JMJD1C: variants seen among roughly 807,000 people sequenced by gnomAD.
JMJD1C encodes the protein jumonji domain containing 1C.
Under a neutral mutation model 245.3 loss-of-function variants are expected in JMJD1C, and 31 were observed. The observed-to-expected ratio is 0.13, with a 90% CI of 0.09 to 0.17. The LOEUF (loss-of-function observed/expected upper bound fraction) is 0.17. Among genes scored for constraint, JMJD1C ranks in the 10% least tolerant of loss-of-function variants. The pLI is 1.00. For synonymous variants in JMJD1C, 1,057 were observed against 1,017.4 expected, an observed-to-expected ratio of 1.04 and a Z score of -0.74; for missense variants, 2,691 against 3,000.2, an observed-to-expected ratio of 0.90 and a Z score of 2.41.
chr10:63,503,841 G>C lies in JMJD1C; in HGVS notation n.113+17897C>G, dbSNP rs369437347. Among the ~76,000 whole-genome samples, 9 of 152,088 alleles carry C rather than the reference G, an allele frequency of 5.9e-5. No individual in the cohort carries two copies. The East Asian group carries it at 1.2e-3, about 20-fold the overall frequency. On this transcript the variant is annotated intron_variant and non_coding_transcript_variant, in intron 1 of 3. Coordinates refer to the JMJD1C transcript ENST00000633035. ...CCCCTTCAACTCCTAAAATCTCCTG[G>C]TGACTGCTTAGAGTATGATCATTGA...
chr10:63,498,064 CTG>C (rs1954417311), intron 1 of JMJD1C, among the ~76,000 whole-genome samples: 1 of 152,136 alleles, frequency 6.6e-6, no homozygotes, highest in African/African-American at 2.4e-5. Context: ...GATACGGTCT[CTG>C]TAATAAAAAT....
chr10:63,212,756 G>A (rs1847513392), intron 8 of JMJD1C, among the ~76,000 whole-genome samples: 1 of 151,822 alleles, frequency 6.6e-6, no homozygotes, highest in South Asian at 2.1e-4. Context: ...TATATCAAAA[G>A]CCTTACAATT....
In JMJD1C at chr10:63,168,347, G is replaced by C. The variant is rs1438427877; in HGVS notation, c.7533+88C>G. ...GTTGTCACCCTAATGTGACCAACTAGGCAATGACTGCCTAAGCTGTTATAC... is the reference window on the plus strand; with the variant it reads ...GTTGTCACCCTAATGTGACCAACTACGCAATGACTGCCTAAGCTGTTATAC... On this transcript the variant is annotated intron_variant, in intron 25 of 25. Coordinates refer to ENST00000399262, the MANE Select transcript of JMJD1C (RefSeq NM_032776.3). The C allele has an allele frequency of 5.9e-6, 8 of 1,346,348 alleles. No individual in the cohort carries two copies. In the Admixed American group the frequency reaches 1.6e-4, roughly 26 times the overall value. The allele number at this position is 1,346,348 out of a possible 1,614,324, so 83.4% of individuals were successfully genotyped here. A position where few individuals can be genotyped will look rare whatever the true frequency, so the allele number is the denominator to read the frequency against.
intron 2 of JMJD1C, among the ~76,000 whole-genome samples, chr10:63,340,440 T>C (rs1294868829): frequency 6.6e-6 from 1 of 152,204 alleles, no homozygotes; most frequent in Admixed American, 6.5e-5. Context: ...TTACTTATTC[T>C]CTGCTCTGTG....
At chr10:63,337,841 C>G (rs1362200542) in intron 2 of JMJD1C, among the ~76,000 whole-genome samples, 1 of 152,024 alleles carries the variant, frequency 6.6e-6, no homozygotes, top group African/African-American at 2.4e-5. Flanking sequence ...GTTGTTATTA[C>G]TATAGTAAGA....
At chr10:63,216,700 A>C (rs1848025606) in intron 5 of JMJD1C, among the ~76,000 whole-genome samples, 1 of 151,256 alleles carries the variant, frequency 6.6e-6, no homozygotes, top group Non-Finnish European at 1.5e-5. Context: ...ACAGAGCGAG[A>C]CTCCAGCTCA....
At chr10:63,468,267 GT>G (rs1953379881), upstream of JMJD1C, among the ~76,000 whole-genome samples, 1 of 152,096 alleles carries the variant, frequency 6.6e-6, no homozygotes, top group Admixed American at 6.5e-5. Context: ...AATGCCTAGA[GT>G]TTACACTAAT....
At chr10:63,426,767 G>GT (rs1447656727) in intron 1 of JMJD1C, among the ~76,000 whole-genome samples, 1 of 151,870 alleles carries the variant, frequency 6.6e-6, no homozygotes, top group Non-Finnish European at 1.5e-5. Flanking sequence ...AATATATGAA[G>GT]TTTTTTCCTT....
intron 2 of JMJD1C, among the ~76,000 whole-genome samples, chr10:63,278,569 G>GT (rs1443633650): frequency 1.3e-5 from 2 of 151,652 alleles, no homozygotes; most frequent in African/African-American, 4.8e-5. Context: ...AAAAAAAAGA[G>GT]TACTGATTAG....
intron 3 of JMJD1C, among the ~76,000 whole-genome samples, chr10:63,225,936 T>C (rs1247603870): frequency 6.6e-6 from 1 of 152,026 alleles, no homozygotes. Flanking sequence ...GACAGAGCTG[T>C]TATCTGAACT....
intron 1 of JMJD1C, among the ~76,000 whole-genome samples, chr10:63,505,271 C>T (rs367620177): frequency 6.7e-6 from 1 of 149,280 alleles, no homozygotes; most frequent in South Asian, 2.1e-4. Flanking sequence ...GAGCCGAGAT[C>T]GCGCCACTGC....
chr10:63,272,739 C>G (rs899286259), intron 2 of JMJD1C, among the ~76,000 whole-genome samples: 1 of 152,146 alleles, frequency 6.6e-6, no homozygotes, highest in Non-Finnish European at 1.5e-5. Flanking sequence ...CTTAATATAA[C>G]AAACTATCAA....
At chr10:63,414,235 C>T (rs1949672387) in intron 1 of JMJD1C, among the ~76,000 whole-genome samples, 1 of 152,084 alleles carries the variant, frequency 6.6e-6, no homozygotes, top group African/African-American at 2.4e-5. Context: ...ATCTGCCTGC[C>T]TCGGCCTCCC....
At chr10:63,215,182 T>C in intron 7 of JMJD1C, 31 bp from the exon 8 acceptor site, 2 of 1,516,074 alleles carry the variant, frequency 1.3e-6, no homozygotes, top group Non-Finnish European at 8.9e-7. Flanking sequence ...GAGTCTTATT[T>C]TTCATACTAA....
chr10:63,419,279 C>T (rs1413439209), intron 1 of JMJD1C, among the ~76,000 whole-genome samples: 3 of 151,722 alleles, frequency 2.0e-5, no homozygotes, highest in Non-Finnish European at 4.4e-5. Flanking sequence ...TCCAGCTACT[C>T]GAGAGTCTGA....
chr10:63,491,884 T>C (rs759729663), intron 1 of JMJD1C, among the ~76,000 whole-genome samples: 9 of 152,246 alleles, frequency 5.9e-5, no homozygotes, highest in South Asian at 2.1e-4. Context: ...GGAAATTTTC[T>C]TGCCAACTTC....
intron 1 of JMJD1C, among the ~76,000 whole-genome samples, chr10:63,512,117 A>G (rs1005190292): frequency 6.6e-6 from 1 of 152,184 alleles, no homozygotes; most frequent in Non-Finnish European, 1.5e-5. Flanking sequence ...ACTTATACCT[A>G]AGTACCATGT....
chr10:63,227,560 C>G (rs1849450419), intron 3 of JMJD1C, among the ~76,000 whole-genome samples: 1 of 152,178 alleles, frequency 6.6e-6, no homozygotes, highest in Admixed American at 6.5e-5. Context: ...TGAATGCTCA[C>G]TTTCAAATTG....
intron 1 of JMJD1C, among the ~76,000 whole-genome samples, chr10:63,460,420 G>T (rs994003994): frequency 2.6e-5 from 4 of 152,122 alleles, no homozygotes; most frequent in African/African-American, 9.7e-5. Flanking sequence ...TTCAGGAGGT[G>T]AGGTGGGAGG....
Sources: allele counts gnomAD v4.1 joint callset (sites outside exome capture counted in the v4.1 genomes callset), GRCh38; gene constraint gnomAD v4.1.1; transcripts MANE v1.5; gene names NCBI Gene and HGNC (gene_info 2026-07-23, HGNC 2026-07-21).